The following ACMSD variants were observed in gnomAD, a reference collection of about 807,000 sequenced individuals.
ACMSD encodes the protein 2-amino-3-carboxymuconate-6-semialdehyde decarboxylase.
In ACMSD, 37 loss-of-function variants were observed where a neutral mutation model predicts 45.9. That is an observed-to-expected ratio of 0.81 (90% CI 0.62 to 1.06). The LOEUF (loss-of-function observed/expected upper bound fraction) is 1.06. Ranked by LOEUF, ACMSD falls within the 50% of genes least tolerant of loss-of-function variation. The pLI, the probability that ACMSD is intolerant of heterozygous loss-of-function variation, is 0.00. For synonymous variants in ACMSD, 138 were observed against 148.8 expected (o/e 0.93, Z 0.53); for missense variants, 434 against 420.9 (o/e 1.03, Z -0.27).
intron 3 of ACMSD, among the ~76,000 whole-genome samples, chr2:134,860,593 G>A (rs1477320959): frequency 6.6e-6 from 1 of 152,082 alleles, no homozygotes; most frequent in Non-Finnish European, 1.5e-5. Context: ...CAAAGAGATG[G>A]CAGGAGACAT....
intron 2 of ACMSD, among the ~76,000 whole-genome samples, chr2:134,848,562 C>G (rs1213505624): frequency 1.3e-5 from 2 of 152,130 alleles, no homozygotes; most frequent in Admixed American, 1.3e-4. Flanking sequence ...GTTTGTTGGG[C>G]ACATAAATGT....
chr2:134,859,017 C>G (rs911127452), intron 2 of ACMSD, among the ~76,000 whole-genome samples: 1 of 149,338 alleles, frequency 6.7e-6, no homozygotes, highest in South Asian at 2.2e-4. Flanking sequence ...GAAACATAAC[C>G]TCAACCTTGC....
In ACMSD at chr2:134,863,641, G is replaced by A. The variant is rs774566936; in HGVS notation, c.486+10G>A. 1.3e-5 allele frequency: 21 copies of A among 1,612,266 alleles called. No individual in the cohort carries two copies. Among genetic ancestry groups the A allele is most frequent in the South Asian group, 7.7e-5 (7 of 91,014 alleles). On this transcript the variant is annotated intron_variant, in intron 5 of 9. Transcript: ENST00000356140. The stretch of plus-strand genomic sequence containing the variant: ...CTTTCCTGTCTATGCGGTGAGTAGC[G>A]GGGCTGCTCAGCCAACGCCAGCCGC...
chr2:134,895,172 G>T (rs1690030977), intron 8 of ACMSD, among the ~76,000 whole-genome samples: 1 of 151,666 alleles, frequency 6.6e-6, no homozygotes, highest in African/African-American at 2.4e-5. Flanking sequence ...CGAGTGTGGT[G>T]GCATGCACCT....
chr2:134,857,350 A>G (rs552693095), intron 2 of ACMSD, among the ~76,000 whole-genome samples: 5 of 152,234 alleles, frequency 3.3e-5, no homozygotes, highest in Admixed American at 6.5e-5. Context: ...AGGCAGGAGA[A>G]TTGCTTGAAC....
At chr2:134,868,338 A>G (rs996379064) in intron 6 of ACMSD, among the ~76,000 whole-genome samples, 2 of 152,186 alleles carry the variant, frequency 1.3e-5, no homozygotes, top group African/African-American at 4.8e-5. Context: ...CAGTTGTGGT[A>G]AGAAGAGATA....
At chr2:134,886,246 A>ATTATTATTATTATTTTTTTTTTTTTTT in intron 8 of ACMSD, among the ~76,000 whole-genome samples, 10 of 115,444 alleles carry the variant, frequency 8.7e-5, no homozygotes, top group African/African-American at 3.2e-4. Context: ...TATTATTATT[A>ATTATTATTATTATTTTTTTTTTTTTTT]TTTTTTTTTT....
chr2:134,875,609 A>G (rs1419164301), intron 8 of ACMSD, among the ~76,000 whole-genome samples: 1 of 152,248 alleles, frequency 6.6e-6, no homozygotes, highest in East Asian at 1.9e-4. Context: ...CAAAGAATGC[A>G]GGTTATAGAT....
intron 8 of ACMSD, among the ~76,000 whole-genome samples, chr2:134,882,225 T>A (rs1689075480): frequency 6.6e-6 from 1 of 152,228 alleles, no homozygotes. Flanking sequence ...TTACAAGATA[T>A]TTTCCTGTGT....
chr2:134,873,438 A>G (rs553727619), intron 8 of ACMSD: 1 of 152,378 alleles, frequency 6.6e-6, no homozygotes, highest in Non-Finnish European at 1.5e-5. Context: ...ATTAACAGAT[A>G]TCTATAGAAG....
chr2:134,841,503 G>C (rs1686805532), intron 1 of ACMSD, among the ~76,000 whole-genome samples: 6 of 151,866 alleles, frequency 4.0e-5, no homozygotes, highest in Admixed American at 3.3e-4. Context: ...TTACAAGTAG[G>C]GTTCTTGAAA....
At chr2:134,863,762 A>T in intron 5 of ACMSD, 131 bp downstream of exon 5, 2 of 895,946 alleles carry the variant, frequency 2.2e-6, no homozygotes, top group Non-Finnish European at 3.4e-6. Flanking sequence ...GACTTGTTTG[A>T]TGTAGGTAGA....
At chr2:134,839,719 A>C (rs1310566329) in intron 1 of ACMSD, among the ~76,000 whole-genome samples, 1 of 152,180 alleles carries the variant, frequency 6.6e-6, no homozygotes, top group Non-Finnish European at 1.5e-5. Context: ...GGGTGGTAGA[A>C]ACTGTGGATT....
At chr2:134,865,880 A>G (rs761087355) in intron 5 of ACMSD, among the ~76,000 whole-genome samples, 1 of 152,202 alleles carries the variant, frequency 6.6e-6, no homozygotes, top group South Asian at 2.1e-4. Context: ...ATCAGCCACA[A>G]GGCCTAAGTA....
chr2:134,887,071 T>G (rs1196188767), intron 8 of ACMSD, among the ~76,000 whole-genome samples: 1 of 152,200 alleles, frequency 6.6e-6, no homozygotes, highest in Non-Finnish European at 1.5e-5. Context: ...AAAATATTGC[T>G]AAGAGCAATT....
At chr2:134,884,321 A>AT (rs1240415942) in intron 8 of ACMSD, among the ~76,000 whole-genome samples, 1 of 152,142 alleles carries the variant, frequency 6.6e-6, no homozygotes, top group Non-Finnish European at 1.5e-5. Flanking sequence ...CAGAAGGGTG[A>AT]TTTTCATTTC....
chr2:134,864,048 C>G lies in ACMSD; in HGVS notation c.486+417C>G, dbSNP rs148682947. 4.1e-3 allele frequency among the ~76,000 whole-genome samples: 624 copies of G among 152,148 alleles called. 3 individuals are homozygous for G. Among genetic ancestry groups the G allele is most frequent in the African/African-American group, 0.014 (588 of 41,490 alleles). On this transcript the variant is annotated intron_variant, in intron 5 of 9. Transcript: ENST00000356140. ...CTTCGGGAGGCCCAGGTGGGCGGAT[C>G]ACTTGAGGCCAGAAGTTCGAGGCCA...
chr2:134,895,459 T>C lies in ACMSD; in HGVS notation c.850-2882T>C, dbSNP rs1559071528. On this transcript the variant is annotated intron_variant, in intron 8 of 9. Coordinates refer to ENST00000356140, the MANE Select transcript of ACMSD (RefSeq NM_138326.3). ...GATTCAAAAACTTAATGTTGCTAAC[T>C]GGCAATACCCCCCAAATTGATCTAC... Among the ~76,000 whole-genome samples the C allele has an allele frequency of 5.3e-5, 8 of 151,054 alleles. No individual in the cohort carries two copies. The South Asian group carries it at 8.4e-4, about 16-fold the overall frequency.
At chr2:134,860,589 G>T (rs1480371098) in intron 3 of ACMSD, among the ~76,000 whole-genome samples, 1 of 152,134 alleles carries the variant, frequency 6.6e-6, no homozygotes, top group African/African-American at 2.4e-5. Flanking sequence ...TATACAAAGA[G>T]ATGGCAGGAG....
Sources: gnomAD v4.1 joint callset for allele counts (sites outside exome capture counted in the v4.1 genomes callset) on GRCh38, gnomAD v4.1.1 for gene constraint, MANE v1.5 for transcripts, NCBI Gene and HGNC (gene_info 2026-07-23, HGNC 2026-07-21) for gene names.